Variants in FOXN3 observed in about 807,000 individuals in gnomAD.
FOXN3 encodes forkhead box N3.
FOXN3 carries 7 observed loss-of-function variants against 38.4 expected under a neutral mutation model. The ratio of observed to expected loss-of-function variants is 0.18; its 90% CI spans 0.10 to 0.34. The LOEUF is 0.34. FOXN3 is among the 10% of genes least tolerant of loss of function. FOXN3 has a pLI of 1.00. For synonymous variants in FOXN3, 230 were observed against 242.2 expected, an observed-to-expected ratio of 0.95 and a Z score of 0.47; for missense variants, 456 against 613.4, an observed-to-expected ratio of 0.74 and a Z score of 2.71.
intron 3 of FOXN3, chr14:89,290,322 C>A: frequency 2.8e-6 from 1 of 361,966 alleles, no homozygotes. Context: ...CTCACAATCT[C>A]ACAGTCTAAT....
chr14:89,563,102 G>C (rs1895283093), intron 1 of FOXN3, among the ~76,000 whole-genome samples: 1 of 152,186 alleles, frequency 6.6e-6, no homozygotes, highest in South Asian at 2.1e-4. Context: ...CACAAACTCT[G>C]TCTTAAAGGG....
intron 3 of FOXN3, chr14:89,291,738 A>G (rs967017427): frequency 5.4e-6 from 2 of 371,176 alleles, no homozygotes; most frequent in Non-Finnish European, 1.0e-5. Context: ...TTCAGTTGGG[A>G]CTTCATTCCT....
intron 3 of FOXN3, among the ~76,000 whole-genome samples, chr14:89,334,019 T>C (rs1379570137): frequency 8.0e-5 from 5 of 62,216 alleles, no homozygotes; most frequent in African/African-American, 2.2e-4. Context: ...TGTATATAAA[T>C]GTGGTATACA....
In FOXN3 at chr14:89,521,378, G is replaced by GAGAGAGAGAGA. The variant is rs1894315861; in HGVS notation, c.-15+97649_-15+97650insTCTCTCTCTCT. Among the ~76,000 whole-genome samples, 3 of 151,916 alleles carry GAGAGAGAGAGA rather than the reference G, an allele frequency of 2.0e-5. No individual in the cohort carries two copies. In the South Asian group the frequency reaches 6.2e-4, roughly 32 times the overall value. On this transcript the variant is annotated intron_variant, in intron 1 of 6. Transcript: ENST00000345097. The stretch of plus-strand genomic sequence containing the variant: ...ATAGATAGAGAGAGAGAGAGAGAGA[G>GAGAGAGAGAGA]AGAGAGACAGATAGAATAAAAAGAA...
At position 89,574,733 on chromosome 14, in the gene FOXN3, C is replaced by G. The variant is rs3814852; in HGVS notation, c.-15+44295G>C. ...TCTCTGATCGTCCTACAGGCAGTGG[C>G]TGGAACAAGAAAAGAAGACTGGGCC... On this transcript the variant is annotated intron_variant, in intron 1 of 6. Transcript: ENST00000345097. 8.7e-4 allele frequency among the ~76,000 whole-genome samples: 132 copies of G among 152,270 alleles called. No individual in the cohort carries two copies. The East Asian group carries it at 0.021, about 24-fold the overall frequency.
intron 3 of FOXN3, among the ~76,000 whole-genome samples, chr14:89,310,340 C>A (rs1053327323): frequency 6.6e-6 from 1 of 152,210 alleles, no homozygotes; most frequent in African/African-American, 2.4e-5. Context: ...CAAGCCAACA[C>A]AGAGAAGAGA....
At chr14:89,295,533 A>G in intron 3 of FOXN3, among the ~76,000 whole-genome samples, 1 of 152,142 alleles carries the variant, frequency 6.6e-6, no homozygotes, top group Non-Finnish European at 1.5e-5. Context: ...AACAGCGGGA[A>G]TGCTACCTGC....
chr14:89,359,658 C>T (rs1181340558), intron 2 of FOXN3, among the ~76,000 whole-genome samples: 3 of 152,192 alleles, frequency 2.0e-5, no homozygotes, highest in African/African-American at 7.2e-5. Context: ...TGTCTTCGTG[C>T]ACACTGAGAG....
At position 89,161,363 on chromosome 14, in the gene FOXN3, G is replaced by T. The variant is rs1887093461; in HGVS notation, c.*1051C>A. The T allele has an allele frequency of 6.7e-6, 1 of 148,860 alleles. No individual in the cohort carries two copies. The highest frequency in any genetic ancestry group is 2.5e-5 in the African/African-American group (1 of 40,428). 9.2% of individuals were successfully genotyped at this position (148,860 alleles called of 1,614,324 possible). A position where few individuals can be genotyped will look rare whatever the true frequency, so the allele number is the denominator to read the frequency against. On this transcript the variant is annotated 3_prime_UTR_variant, in exon 6 of 6. Coordinates refer to ENST00000557258, the MANE Select transcript of FOXN3 (RefSeq NM_005197.4). ...CTTAAAAATACACCACAATACTAAT[G>T]GCAGGTTCCGTAGCTTTCTAGTTTT...
chr14:89,233,647 T>G (rs543052308), intron 4 of FOXN3, among the ~76,000 whole-genome samples: 1 of 152,306 alleles, frequency 6.6e-6, no homozygotes, highest in South Asian at 2.1e-4. Context: ...AACTTAAAAT[T>G]CTGTGCCCAA....
intron 4 of FOXN3, chr14:89,263,817 C>G (rs371807579): frequency 6.6e-6 from 1 of 152,026 alleles, no homozygotes; most frequent in Non-Finnish European, 1.5e-5. Context: ...TTTGGGAGGC[C>G]GAGGTGGGGG....
intron 1 of FOXN3, among the ~76,000 whole-genome samples, chr14:89,612,058 G>T (rs554821344): frequency 6.6e-6 from 1 of 152,114 alleles, no homozygotes; most frequent in Non-Finnish European, 1.5e-5. Context: ...GGTCAGTCTC[G>T]GAGGAAAGCC....
At chr14:89,229,347 T>C (rs1305144027) in intron 4 of FOXN3, among the ~76,000 whole-genome samples, 1 of 152,048 alleles carries the variant, frequency 6.6e-6, no homozygotes, top group African/African-American at 2.4e-5. Context: ...ACAATCAAAA[T>C]ATCCTATTGC....
At chr14:89,340,627 G>A (rs1293755956) in intron 3 of FOXN3, among the ~76,000 whole-genome samples, 1 of 152,144 alleles carries the variant, frequency 6.6e-6, no homozygotes, top group Non-Finnish European at 1.5e-5. Flanking sequence ...ACAAAACAAG[G>A]ACACCAGTTT....
intron 3 of FOXN3, among the ~76,000 whole-genome samples, chr14:89,329,132 C>T (rs943899600): frequency 1.3e-5 from 2 of 152,188 alleles, no homozygotes; most frequent in Non-Finnish European, 2.9e-5. Flanking sequence ...CTGGACCACA[C>T]CAGAAATCAT....
chr14:89,506,626 A>G (rs1383203669), intron 1 of FOXN3, among the ~76,000 whole-genome samples: 2 of 152,174 alleles, frequency 1.3e-5, no homozygotes, highest in Non-Finnish European at 2.9e-5. Flanking sequence ...TGGGAGGTGT[A>G]CTCAACAGCT....
intron 2 of FOXN3, among the ~76,000 whole-genome samples, chr14:89,381,409 G>C (rs867275218): frequency 6.6e-6 from 1 of 151,590 alleles, no homozygotes; most frequent in Non-Finnish European, 1.5e-5. Context: ...CCAACATCTG[G>C]TGACATAACC....
chr14:89,180,946 GTGC>G lies in FOXN3; in HGVS notation c.746-143_746-141del, dbSNP rs2139796158. The G allele has an allele frequency of 1.0e-5, 5 of 499,944 alleles. No individual in the cohort carries two copies. The East Asian group carries it at 1.2e-4, about 12-fold the overall frequency. The allele number at this position is 499,944 out of a possible 1,614,324, so 31.0% of individuals were successfully genotyped here. A position where few individuals can be genotyped will look rare whatever the true frequency, so the allele number is the denominator to read the frequency against. ...GACAGAGAGAAACACACACACACAC[GTGC>G]ACATACACACACACACACACAGTCA... On this transcript the variant is annotated intron_variant, in intron 4 of 5. Coordinates refer to ENST00000557258, the MANE Select transcript of FOXN3 (RefSeq NM_005197.4).
intron 3 of FOXN3, chr14:89,291,394 A>G: frequency 1.7e-6 from 1 of 598,466 alleles, no homozygotes. Flanking sequence ...TGTCACCAGC[A>G]AGGATGCTAC....
Sources: allele counts gnomAD v4.1 joint callset (sites outside exome capture counted in the v4.1 genomes callset), GRCh38; gene constraint gnomAD v4.1.1; transcripts MANE v1.5; gene names NCBI Gene and HGNC (gene_info 2026-07-23, HGNC 2026-07-21).